MX2: variants seen among roughly 807,000 people sequenced by gnomAD.
MX2 encodes the protein interferon-induced GTP-binding protein Mx2.
In MX2, 51 loss-of-function variants were observed where a neutral mutation model predicts 74.0. That is an observed-to-expected ratio of 0.69 (90% confidence interval 0.55 to 0.87). MX2 has a LOEUF of 0.87. Ranked by LOEUF, MX2 falls within the 40% of genes least tolerant of loss-of-function variation. The pLI is 0.00. For synonymous variants in MX2, 369 were observed against 339.3 expected (o/e 1.09, Z -0.96); for missense variants, 832 against 908.7 (o/e 0.92, Z 1.09).
In MX2 at chr21:41,408,572, G is replaced by T; in HGVS notation, c.*339G>T. The stretch of plus-strand genomic sequence containing the variant: ...AGATTATGAGACCCCAGAGGGGGAA[G>T]GTCTGGGTCAAATTCTTCTTTTGTA... On this transcript the variant is annotated 3_prime_UTR_variant, in exon 14 of 14. Coordinates refer to ENST00000330714, the MANE Select transcript of MX2 (RefSeq NM_002463.2). 3.9e-6 allele frequency: 1 copy of T among 255,954 alleles called. No homozygotes were observed. Among genetic ancestry groups the T allele is most frequent in the African/African-American group, 2.2e-5 (1 of 45,048 alleles). The allele number at this position is 255,954 out of a possible 1,614,324, so 15.9% of individuals were successfully genotyped here. A position where few individuals can be genotyped will look rare whatever the true frequency, so the allele number is the denominator to read the frequency against.
chr21:41,376,852 C>T lies in MX2; in HGVS notation c.-55C>T, dbSNP rs1211464514. On this transcript the variant is annotated 5_prime_UTR_variant, in exon 2 of 14. Transcript: ENST00000330714. ...TCTTTGCAGAGCTTGTCAGGAAGAT[C>T]GGAGGTGCCAAGTAGCAGAGAAAGC... is the stretch of plus-strand genomic sequence containing the variant. The T allele has an allele frequency of 6.9e-6, 11 of 1,595,656 alleles. No individual in the cohort carries two copies. The highest frequency in any genetic ancestry group is 4.5e-5 in the East Asian group (2 of 44,706).
intron 1 of MX2, chr21:41,367,351 G>A (rs375271489): frequency 6.6e-6 from 1 of 151,586 alleles, no homozygotes; most frequent in East Asian, 1.9e-4. Context: ...CCTTTTCCAC[G>A]GGATCACATT....
rs1239092598 is a variant in MX2, at chr21:41,377,964, C to T, written c.425C>T (p.Ala142Val). 7 of 1,613,668 alleles carry T rather than the reference C, an allele frequency of 4.3e-6. No individual in the cohort carries two copies. The highest frequency in any genetic ancestry group is 1.7e-5 in the Admixed American group (1 of 60,016). ...GTGCTGGAGGCACTGTCAGGAGTCGCGCTTCCCAGAGGCAGCGGTAAGTTC... is the reference window on the plus strand; with the variant it reads ...GTGCTGGAGGCACTGTCAGGAGTCGTGCTTCCCAGAGGCAGCGGTAAGTTC... ...SSVLEALSGV[A>V]LPRGSGIVTR... Residue 142 changes from alanine to valine, a missense_variant, in exon 3 of 14, where the codon GCG becomes GTG. Coordinates refer to ENST00000330714, the MANE Select transcript of MX2 (RefSeq NM_002463.2).
In MX2 at chr21:41,407,993, A is replaced by G. The variant is rs1389997041; in HGVS notation, c.1908A>G (p.Glu636=). ...ACCCTTCTTTCTCCCTCTTCCAGGAAACCAGCAAACGTCTCGCCAACCAGA... is the reference window on the plus strand; with the variant it reads ...ACCCTTCTTTCTCCCTCTTCCAGGAGACCAGCAAACGTCTCGCCAACCAGA... ...IGIHLNAYFL[E]TSKRLANQIP... The change falls in exon 14 of 14, where the codon GAA becomes GAG. Residue 636 remains glutamate (E), a splice_region_variant and synonymous_variant. Transcript: ENST00000330714. The G allele has an allele frequency of 1.9e-6, 3 of 1,614,152 alleles. No homozygotes were observed. The Admixed American group carries it at 5.0e-5, about 27-fold the overall frequency.
chr21:41,398,334 C>G (rs2089762888), intron 8 of MX2, among the ~76,000 whole-genome samples: 1 of 152,134 alleles, frequency 6.6e-6, no homozygotes, highest in South Asian at 2.1e-4. Context: ...CTTCTAGCCT[C>G]AAACTTCTAA....
rs144316586 is a variant in MX2 at position 41,406,853 on chromosome 21, T to C, written c.1760T>C (p.Val587Ala). The C allele has an allele frequency of 1.7e-5, 27 of 1,614,126 alleles. No homozygotes were observed. The highest frequency in any genetic ancestry group is 2.3e-5 in the Non-Finnish European group (27 of 1,180,052). ...MVFCQDQIYS[V>A]VLKKVREEIF... ...TTTTGTCAAGATCAGATTTACAGTG[T>C]TGTTCTGAAGAAAGTCCGAGAAGAG... Residue 587 changes from valine (V) to alanine (A), a missense_variant, in exon 13 of 14, where the codon GTT becomes GCT. Physicochemically the swap from Val to Ala is moderately conservative, Grantham distance 64 (BLOSUM62 0). Transcript: ENST00000330714.
Position 41,378,604 on chromosome 21 carries a change from C to A in MX2, c.442+623C>A, listed in dbSNP as rs114136460. ...TGATATGAGACACCTTTTCCTTGAA[C>A]AAAAACTTTTAAAAGTCTGTTTAGA... is the stretch of plus-strand genomic sequence containing the variant. On this transcript the variant is annotated intron_variant, in intron 3 of 13. Coordinates refer to ENST00000330714, the MANE Select transcript of MX2 (RefSeq NM_002463.2). 7.4e-3 allele frequency among the ~76,000 whole-genome samples: 1,126 copies of A among 152,246 alleles called. 20 individuals carry two copies. The highest frequency in any genetic ancestry group is 0.026 in the African/African-American group (1,062 of 41,546).
At position 41,402,255 on chromosome 21, in the gene MX2, G is replaced by C; in HGVS notation, c.1573+127G>C. ...TGCAGACACGCTCACTGGTGTGCTAGATTGCTACTCTGTGTGGTCTGTGAG... is the reference window on the plus strand; with the variant it reads ...TGCAGACACGCTCACTGGTGTGCTACATTGCTACTCTGTGTGGTCTGTGAG... On this transcript the variant is annotated intron_variant, in intron 11 of 13. Transcript: ENST00000330714. The surrounding 1 kb of genome is among the most constrained non-coding windows in gnomAD (Gnocchi z 4.5). The C allele has an allele frequency of 3.5e-6, 4 of 1,136,900 alleles. No individual in the cohort carries two copies. Among genetic ancestry groups the C allele is most frequent in the Non-Finnish European group, 4.9e-6 (4 of 815,004 alleles). The allele number at this position is 1,136,900 out of a possible 1,614,324, so 70.4% of individuals were successfully genotyped here.
chr21:41,370,100 TCC>T (rs1268682999), intron 1 of MX2: 1 of 152,246 alleles, frequency 6.6e-6, no homozygotes, highest in African/African-American at 2.4e-5. Context: ...TGGATGGTCG[TCC>T]GTCCCACCAT....
Position 41,402,815 on chromosome 21 carries a change from C to T in MX2, c.1574-452C>T, listed in dbSNP as rs2145966193. On this transcript the variant is annotated intron_variant, in intron 11 of 13. Transcript: ENST00000330714. The surrounding 1 kb of genome is among the most constrained non-coding windows in gnomAD (Gnocchi z 4.5). ...GACAGATCGTCAGGCATTAGATTCTCATAAGGAACACGCAACCTAGATCCC... is the reference window on the plus strand; with the variant it reads ...GACAGATCGTCAGGCATTAGATTCTTATAAGGAACACGCAACCTAGATCCC... The T allele has an allele frequency of 5.7e-6, 1 of 174,184 alleles. No individual in the cohort carries two copies. Among genetic ancestry groups the T allele is most frequent in the Non-Finnish European group, 1.2e-5 (1 of 80,404 alleles). The allele number at this position is 174,184 out of a possible 1,614,324, so 10.8% of individuals were successfully genotyped here.
chr21:41,395,417 G>T (rs780762872), intron 6 of MX2, among the ~76,000 whole-genome samples, 170 bp from the exon 7 acceptor site: 16 of 152,172 alleles, frequency 1.1e-4, no homozygotes, highest in Non-Finnish European at 2.4e-4. Context: ...CGAGCCAATA[G>T]AAATGCAAAG....
chr21:41,405,435 T>C (rs2089872008), intron 12 of MX2, among the ~76,000 whole-genome samples: 1 of 152,128 alleles, frequency 6.6e-6, no homozygotes, highest in African/African-American at 2.4e-5. Context: ...CAGGTGGCAG[T>C]GAGGGCTCTC....
chr21:41,390,565 A>T lies in MX2; in HGVS notation c.733A>T (p.Ile245Phe). The change falls in exon 6 of 14, where the codon ATC becomes TTC. Residue 245 changes from isoleucine (I) to phenylalanine (F), a missense_variant and splice_region_variant. By Grantham distance (21) the Ile-to-Phe change is conservative. Transcript: ENST00000330714. The stretch of plus-strand genomic sequence containing the variant: ...TCTTTGTGCGATTCTTTGGCATCAG[A>T]TCAAGGCTCTCATCAAGAAGTACAT... ...DNQPRDIGLQ[I>F]KALIKKYIQR... The T allele has an allele frequency of 1.2e-6, 2 of 1,614,076 alleles. No individual in the cohort carries two copies. Among genetic ancestry groups the T allele is most frequent in the Non-Finnish European group, 1.7e-6 (2 of 1,179,978 alleles).
intron 6 of MX2, among the ~76,000 whole-genome samples, chr21:41,394,796 C>G (rs1180196656): frequency 6.6e-6 from 1 of 152,016 alleles, no homozygotes; most frequent in Non-Finnish European, 1.5e-5. Context: ...CAAAAATTAG[C>G]TGGGCGTGGT....
rs466106 is a variant in MX2, at chr21:41,402,686, A to G, written c.1573+558A>G. 114,926 of 156,962 alleles carry G rather than the reference A, an allele frequency of 0.73. 43,305 individuals carry two copies. The highest frequency in any genetic ancestry group is 0.83 in the Non-Finnish European group (58,959 of 70,792). The allele number at this position is 156,962 out of a possible 1,614,324, so 9.7% of individuals were successfully genotyped here. Reference sequence around the variant, plus strand: ...TTATTACATTGTAATATATAATGAAATAATTACACAGCTCACCAAAATATA... The same window carrying G: ...TTATTACATTGTAATATATAATGAAGTAATTACACAGCTCACCAAAATATA... On this transcript the variant is annotated intron_variant, in intron 11 of 13. Transcript: ENST00000330714. This position sits in a 1 kb window ranked among gnomAD's most constrained non-coding sequence, Gnocchi z 4.5.
At chr21:41,383,909 G>C (rs1029435591) in intron 5 of MX2, among the ~76,000 whole-genome samples, 1 of 152,116 alleles carries the variant, frequency 6.6e-6, no homozygotes, top group African/African-American at 2.4e-5. Flanking sequence ...AAAGATCCTT[G>C]GGTGGTGATA....
chr21:41,371,889 G>A (rs147889706), intron 1 of MX2, among the ~76,000 whole-genome samples: 239 of 152,224 alleles, frequency 1.6e-3, no homozygotes, highest in African/African-American at 5.2e-3. Context: ...AAGACCGCAC[G>A]GCCAATAAAG....
intron 12 of MX2, among the ~76,000 whole-genome samples, chr21:41,406,152 C>T (rs2089883469): frequency 1.3e-5 from 2 of 152,132 alleles, no homozygotes; most frequent in African/African-American, 2.4e-5. Flanking sequence ...CCACGCCCAG[C>T]TAATTTTGTA....
chr21:41,377,097 A>C lies in MX2; in HGVS notation c.191A>C (p.Asn64Thr). 6.2e-7 allele frequency: 1 copy of C among 1,614,222 alleles called. No individual in the cohort carries two copies. Among genetic ancestry groups the C allele is most frequent in the African/African-American group, 1.3e-5 (1 of 75,058 alleles). ...KDAAFLAKDF[N>T]FLTLNNQPPP... ...GCTGCTTTCCTCGCCAAGGACTTCA[A>C]CTTTCTCACTTTGAACAATCAGCCA... is the stretch of plus-strand genomic sequence containing the variant. Residue 64 changes from asparagine to threonine, a missense_variant, in exon 2 of 14, where the codon AAC (asparagine) becomes ACC (threonine). By Grantham distance (65) the Asn-to-Thr change is moderately conservative. Transcript: ENST00000330714.
Sources: gnomAD v4.1 joint callset for allele counts (sites outside exome capture counted in the v4.1 genomes callset) on GRCh38, gnomAD v4.1.1 for gene constraint, Gnocchi (gnomAD v3.1) non-coding constraint, MANE v1.5 for transcripts, NCBI Gene and HGNC (gene_info 2026-07-23, HGNC 2026-07-21) for gene names.